CEP104: variants seen among roughly 807,000 people sequenced by gnomAD.
CEP104 encodes centrosomal protein 104, also known as centrosomal protein of 104 kDa.
CEP104 carries 84 observed loss-of-function variants against 113.3 expected under a neutral mutation model. The observed-to-expected ratio is 0.74, with a 90% CI of 0.62 to 0.89. CEP104 has a LOEUF of 0.89. Among genes scored for constraint, CEP104 ranks in the 40% least tolerant of loss-of-function variants. The pLI, the probability that CEP104 is intolerant of heterozygous loss-of-function variation, is 0.00. For missense variants in CEP104, 1,053 were observed against 1,156.6 expected, an observed-to-expected ratio of 0.91 and a Z score of 1.30; for synonymous variants, 378 against 421.7, an observed-to-expected ratio of 0.90 and a Z score of 1.27.
chr1:3,826,723 T>A lies in CEP104; in HGVS notation c.2173A>T (p.Lys725Ter). 1 of 1,614,160 alleles carries A rather than the reference T, an allele frequency of 6.2e-7. No individual in the cohort carries two copies. The highest frequency in any genetic ancestry group is 8.5e-7 in the Non-Finnish European group (1 of 1,179,986). Residue 725 changes from lysine (K) to a stop codon, truncating the protein, a stop_gained, in exon 16 of 22, where the codon AAG becomes TAG. Transcript: ENST00000378230. LOFTEE classifies it high-confidence loss of function. ...EVQEKESDAV[K>*]PKNQDIQGGK... ...CTTTACATACCCTGATTCTTTGGCT[T>A]CACAGCATCACTTTCTTTTTCCTAA...
rs911008221 is a variant in CEP104 at position 3,844,966 on chromosome 1, C to T, written c.507G>A (p.Leu169=). The T allele has an allele frequency of 1.9e-6, 3 of 1,614,162 alleles. No homozygotes were observed. The highest frequency in any genetic ancestry group is 2.5e-6 in the Non-Finnish European group (3 of 1,180,016). Residue 169 remains leucine, a synonymous_variant, in exon 6 of 22, where the codon TTG becomes TTA. Coordinates refer to ENST00000378230, the MANE Select transcript of CEP104 (RefSeq NM_014704.4). ...TGTTGTGCCCAAGGTAGTGGTCAAT[C>T]AACTTCTCTCGAGAGGCCTTTGGGG... ...DESNTASREK[L]IDHYLGHNSE... is the part of the protein sequence containing the mutation.
intron 4 of CEP104, among the ~76,000 whole-genome samples, chr1:3,847,264 TG>T (rs754106214): frequency 3.3e-5 from 5 of 150,640 alleles, no homozygotes; most frequent in African/African-American, 7.5e-5. Context: ...GCAGCAGCTC[TG>T]GGCACTAGGC....
Position 3,812,326 on chromosome 1 carries a change from CAT to C in CEP104, c.*3074_*3075del. The C allele has an allele frequency of 6.6e-6, 1 of 152,176 alleles. No individual in the cohort carries two copies. The highest frequency in any genetic ancestry group is 1.5e-5 in the Non-Finnish European group (1 of 68,016). 9.4% of individuals were successfully genotyped at this position (152,176 alleles called of 1,614,324 possible). A position where few individuals can be genotyped will look rare whatever the true frequency, so the allele number is the denominator to read the frequency against. ...AGTTAGATTTAATGGAATATCTTAA[CAT>C]ATGAAAATAATAGAAATAAATATTA... On this transcript the variant is annotated 3_prime_UTR_variant, in exon 22 of 22. Transcript: ENST00000378230.
chr1:3,815,621 T>A, intron 21 of CEP104, 104 bp from the exon 22 acceptor site: 1 of 738,042 alleles, frequency 1.4e-6, no homozygotes, highest in Non-Finnish European at 2.2e-6. Context: ...CCCAGGCCCA[T>A]GCTGATGGCC....
chr1:3,852,474 A>T, intron 1 of CEP104, 53 bp from the exon 2 acceptor site: 1 of 1,529,434 alleles, frequency 6.5e-7, no homozygotes, highest in South Asian at 1.2e-5. Context: ...TCACTAACAC[A>T]TGGACATTTA....
In CEP104 at chr1:3,814,307, G is replaced by A. The variant is rs1033535054; in HGVS notation, c.*1095C>T. Reference sequence around the variant, plus strand: ...CCTGACTCCCTCCACATGGCTGCCTGGATGTGACACAGGCCCAACCAAAGC... The same window carrying A: ...CCTGACTCCCTCCACATGGCTGCCTAGATGTGACACAGGCCCAACCAAAGC... On this transcript the variant is annotated 3_prime_UTR_variant, in exon 22 of 22. Coordinates refer to ENST00000378230, the MANE Select transcript of CEP104 (RefSeq NM_014704.4). The A allele has an allele frequency of 9.9e-5, 15 of 152,276 alleles. No homozygotes were observed. The allele number at this position is 152,276 out of a possible 1,614,324, so 9.4% of individuals were successfully genotyped here. A position where few individuals can be genotyped will look rare whatever the true frequency, so the allele number is the denominator to read the frequency against.
chr1:3,847,692 A>G, intron 3 of CEP104, 79 bp from the exon 4 acceptor site: 2 of 1,410,922 alleles, frequency 1.4e-6, no homozygotes, highest in South Asian at 2.3e-5. Context: ...TGAACTCAAT[A>G]GGCTCATTTA....
At chr1:3,830,703 G>A (rs1449799816) in intron 13 of CEP104, among the ~76,000 whole-genome samples, 1 of 150,654 alleles carries the variant, frequency 6.6e-6, no homozygotes, top group African/African-American at 2.5e-5. Context: ...ATGAACCCAG[G>A]AGGCAGGGCT....
At chr1:3,817,883 G>A (rs1104856) in intron 20 of CEP104, among the ~76,000 whole-genome samples, 101,106 of 152,240 alleles carry the variant, frequency 0.66, 34,922 homozygotes, top group African/African-American at 0.87. Context: ...CGAGAACGCC[G>A]TGCCCAGGCT....
At chr1:3,816,483 A>G (rs1213941088) in intron 20 of CEP104, 113 bp from the exon 21 acceptor site, 1 of 777,276 alleles carries the variant, frequency 1.3e-6, no homozygotes, top group East Asian at 2.8e-5. Flanking sequence ...CCGCTCCAGC[A>G]AGAGCCGCAG....
chr1:3,839,887 C>T (rs1644383453), intron 6 of CEP104, 111 bp from the exon 7 acceptor site: 2 of 849,048 alleles, frequency 2.4e-6, no homozygotes, highest in Admixed American at 2.5e-5. Flanking sequence ...TCATGGTTCA[C>T]AGAGCATTTC....
chr1:3,823,086 T>C lies in CEP104; in HGVS notation c.2571+88A>G. The C allele has an allele frequency of 8.2e-7, 1 of 1,221,438 alleles. No individual in the cohort carries two copies. Among genetic ancestry groups the C allele is most frequent in the South Asian group, 1.2e-5 (1 of 82,778 alleles). 75.7% of individuals were successfully genotyped at this position (1,221,438 alleles called of 1,614,324 possible). ...CATGTACTGTACTCTGTGGCTATGG[T>C]CCCGCACTGACACCACCACTGTCAC... On this transcript the variant is annotated intron_variant, in intron 20 of 21. Transcript: ENST00000378230. This position sits in a 1 kb window ranked among gnomAD's most constrained non-coding sequence, Gnocchi z 4.1.
intron 2 of CEP104, 116 bp downstream of exon 2, chr1:3,852,179 G>T: frequency 1.1e-6 from 1 of 949,152 alleles, no homozygotes; most frequent in Non-Finnish European, 1.5e-6. Context: ...GACATCCTTG[G>T]TCCTGATGTC....
intron 9 of CEP104, chr1:3,836,978 A>C (rs915024090): frequency 1.2e-5 from 6 of 515,308 alleles, no homozygotes; most frequent in African/African-American, 1.9e-5. Context: ...ATTTCAGTTC[A>C]ACTGACATGG....
intron 1 of CEP104, among the ~76,000 whole-genome samples, chr1:3,854,222 TC>T (rs1240525639): frequency 6.6e-6 from 1 of 152,096 alleles, no homozygotes; most frequent in Non-Finnish European, 1.5e-5. Flanking sequence ...CCACCTGGTG[TC>T]CCCACCTGAA....
chr1:3,822,941 G>A lies in CEP104; in HGVS notation c.2571+233C>T, dbSNP rs928355431. ...CCAGTGACACAGGCTGGGCCTCAGT[G>A]AGTTGAGGCTCCTCGATAAACCATT... On this transcript the variant is annotated intron_variant, in intron 20 of 21. Coordinates refer to ENST00000378230, the MANE Select transcript of CEP104 (RefSeq NM_014704.4). 1.9e-5 allele frequency: 10 copies of A among 525,594 alleles called. No individual in the cohort carries two copies. The South Asian group carries it at 2.5e-4, about 13-fold the overall frequency. 32.6% of individuals were successfully genotyped at this position (525,594 alleles called of 1,614,324 possible).
chr1:3,835,155 G>T, intron 10 of CEP104, 63 bp from the exon 11 acceptor site: 1 of 1,287,154 alleles, frequency 7.8e-7, no homozygotes, highest in Non-Finnish European at 1.0e-6. Flanking sequence ...TACACAACTT[G>T]AAGGCTTTGT....
chr1:3,855,550 T>G (rs1644703510), intron 1 of CEP104, among the ~76,000 whole-genome samples: 1 of 152,090 alleles, frequency 6.6e-6, no homozygotes, highest in Non-Finnish European at 1.5e-5. Flanking sequence ...GAAGGGTGTT[T>G]CCAGTATGCT....
intron 1 of CEP104, among the ~76,000 whole-genome samples, chr1:3,854,005 C>T (rs1268346553): frequency 1.3e-5 from 2 of 152,202 alleles, no homozygotes; most frequent in East Asian, 1.9e-4. Context: ...GCCCCACCTG[C>T]ACTCTGGGCA....
Sources: allele counts gnomAD v4.1 joint callset (sites outside exome capture counted in the v4.1 genomes callset), GRCh38; gene constraint gnomAD v4.1.1; non-coding constraint Gnocchi (gnomAD v3.1); transcripts MANE v1.5; gene names NCBI Gene and HGNC (gene_info 2026-07-23, HGNC 2026-07-21).